The following PTCH1 variants were observed in gnomAD, a reference collection of about 807,000 sequenced individuals.
PTCH1 encodes the protein patched 1, also known as protein patched homolog 1.
PTCH1 carries 14 observed loss-of-function variants against 144.6 expected under a neutral mutation model. The observed-to-expected ratio is 0.10, with a 90% confidence interval of 0.06 to 0.15. PTCH1 has a LOEUF of 0.15. Ranked by LOEUF, PTCH1 falls within the 10% of genes least tolerant of loss-of-function variation. The pLI is 1.00. For synonymous variants in PTCH1, 833 were observed against 793.6 expected (o/e 1.05, Z -0.83); for missense variants, 1,623 against 1,948.3 (o/e 0.83, Z 3.14).
chr9:95,516,951 A>G, exon 1 of PTCH1: 1 of 728,614 alleles, frequency 1.4e-6, no homozygotes, highest in East Asian at 3.0e-5. Context: ...TGCTATCAGC[A>G]CAGCCCTCCT....
At chr9:95,485,906 GCAAAATC>G (rs1564063506) in intron 2 of PTCH1, 32 bp from the exon 3 acceptor site, 1 of 1,610,640 alleles carries the variant, frequency 6.2e-7, no homozygotes, top group Admixed American at 1.7e-5. Context: ...AATTAGAATA[GCAAAATC>G]ACTGCAAACT....
At chr9:95,507,196 AAT>A in intron 1 of PTCH1, 4 of 985,552 alleles carry the variant, frequency 4.1e-6, no homozygotes, top group Non-Finnish European at 4.8e-6. Flanking sequence ...GTGTGAGCTG[AAT>A]TAGGAAGTGG....
rs1843915752 is a variant in PTCH1, at chr9:95,508,350, A to G, written c.12T>C (p.Ala4=). The G allele has an allele frequency of 8.3e-7, 1 of 1,209,468 alleles. No homozygotes were observed. The allele number at this position is 1,209,468 out of a possible 1,614,324, so 74.9% of individuals were successfully genotyped here. A position where few individuals can be genotyped will look rare whatever the true frequency, so the allele number is the denominator to read the frequency against. ...GGTCCTGGGGCTCGGCGGCGTTACC[A>G]GCCGAGGCCATGTTGCCGCCGCCGC... is the stretch of plus-strand genomic sequence containing the variant. MAS[A]GNAAEPQDRG... Residue 4 remains alanine (A), a synonymous_variant, in exon 1 of 24, where the codon GCT becomes GCC. Coordinates refer to ENST00000331920, the MANE Select transcript of PTCH1 (RefSeq NM_000264.5).
At chr9:95,461,798 A>C in intron 16 of PTCH1, 58 bp downstream of exon 16, 1 of 1,609,110 alleles carries the variant, frequency 6.2e-7, no homozygotes, top group South Asian at 1.1e-5. Flanking sequence ...AGCAGCCTCC[A>C]CCAGGGCAGC....
intron 12 of PTCH1, among the ~76,000 whole-genome samples, chr9:95,475,524 C>T (rs1840952813): frequency 6.6e-6 from 1 of 152,206 alleles, no homozygotes; most frequent in Non-Finnish European, 1.5e-5. Context: ...AGAGCCTCGC[C>T]AGTTCGCGGT....
rs180933106 is a variant in PTCH1 at position 95,490,587 on chromosome 9, T to C, written c.395-4713A>G. Among the ~76,000 whole-genome samples the C allele has an allele frequency of 3.2e-4, 48 of 150,488 alleles. 1 individual carries two copies. Among genetic ancestry groups the C allele is most frequent in the Admixed American group, 2.8e-3 (43 of 15,182 alleles). ...AAAGATAGATATGAGAGCTACTTGG[T>C]AGAGATATGAATTAAAAACAAACTC... On this transcript the variant is annotated intron_variant, in intron 2 of 23. Coordinates refer to ENST00000331920, the MANE Select transcript of PTCH1 (RefSeq NM_000264.5).
In PTCH1 at chr9:95,477,929, GCT is replaced by G. The variant is rs111970900; in HGVS notation, c.1347+124_1347+125del. ...CACTTTTAAACCACTGTGAAGCCAC[GCT>G]CTCTCTGTCCTGGATGCACATCGAT... On this transcript the variant is annotated intron_variant, in intron 9 of 23. Coordinates refer to ENST00000331920, the MANE Select transcript of PTCH1 (RefSeq NM_000264.5). The G allele has an allele frequency of 9.7e-5, 149 of 1,542,122 alleles. 3 individuals carry two copies. In the African/African-American group the frequency reaches 1.4e-3, roughly 15 times the overall value.
chr9:95,475,332 G>A (rs1018109720), intron 12 of PTCH1, among the ~76,000 whole-genome samples: 8 of 152,106 alleles, frequency 5.3e-5, no homozygotes, highest in Non-Finnish European at 7.3e-5. Flanking sequence ...AAGTCACGAG[G>A]GGCCCACGTG....
intron 20 of PTCH1, chr9:95,450,584 C>T (rs945883884): frequency 1.9e-5 from 3 of 154,834 alleles, no homozygotes; most frequent in Non-Finnish European, 2.9e-5. Flanking sequence ...CTTTTTAGAA[C>T]ACAGGAACCA....
At chr9:95,466,993 A>T in intron 15 of PTCH1, 123 bp downstream of exon 15, 1 of 1,114,586 alleles carries the variant, frequency 9.0e-7, no homozygotes, top group Non-Finnish European at 1.3e-6. Flanking sequence ...GCAACTCTTA[A>T]AAGTCCATGA....
intron 16 of PTCH1, among the ~76,000 whole-genome samples, chr9:95,461,527 C>G (rs1242093109): frequency 6.6e-6 from 1 of 152,180 alleles, no homozygotes; most frequent in Non-Finnish European, 1.5e-5. Flanking sequence ...AGTCCTAGAA[C>G]TGAAAGAATC....
intron 2 of PTCH1, chr9:95,495,500 G>A (rs981808107): frequency 3.3e-5 from 5 of 151,804 alleles, no homozygotes; most frequent in African/African-American, 1.2e-4. Context: ...GTATAGGTAG[G>A]CGAGTAAGTA....
At chr9:95,462,460 T>C (rs1260712377) in intron 15 of PTCH1, among the ~76,000 whole-genome samples, 1 of 152,088 alleles carries the variant, frequency 6.6e-6, no homozygotes, top group Admixed American at 6.5e-5. Context: ...CTCAGCTGCT[T>C]CTGGAGCCCA....
At chr9:95,477,990 G>GAA in intron 9 of PTCH1, 65 bp downstream of exon 9, 1 of 1,610,574 alleles carries the variant, frequency 6.2e-7, no homozygotes, top group Non-Finnish European at 8.5e-7. Context: ...AGCAGTCATG[G>GAA]AAAAGTAAAG....
intron 2 of PTCH1, 41 bp downstream of exon 2, chr9:95,506,366 G>C (rs1015793107): frequency 6.3e-7 from 1 of 1,596,920 alleles, no homozygotes; most frequent in African/African-American, 1.3e-5. Flanking sequence ...CGCGAGGAGG[G>C]ACCGGGCCGG....
At chr9:95,462,646 G>GCTTC (rs1392098562) in intron 15 of PTCH1, among the ~76,000 whole-genome samples, 8 of 152,220 alleles carry the variant, frequency 5.3e-5, no homozygotes, top group African/African-American at 1.9e-4. Flanking sequence ...GGAGAAGGAA[G>GCTTC]GGAAGGCGCT....
intron 2 of PTCH1, chr9:95,494,363 C>T (rs1842653583): frequency 1.0e-6 from 1 of 985,586 alleles, no homozygotes; most frequent in Non-Finnish European, 1.2e-6. Context: ...GCCACGAGTT[C>T]CCGAGACGAC....
At position 95,508,240 on chromosome 9, in the gene PTCH1, C is replaced by T. The variant is rs1554709493; in HGVS notation, c.122G>A (p.Arg41His). ...GRRRRTGGLR[R>H]AAAPDRDYLH... is the part of the protein sequence containing the mutation. ...ATAGTCCCGGTCCGGCGCGGCAGCACGGCGCAGCCCCCCCGTCCGTCTGCG... is the reference window on the plus strand; with the variant it reads ...ATAGTCCCGGTCCGGCGCGGCAGCATGGCGCAGCCCCCCCGTCCGTCTGCG... Residue 41 changes from arginine (R) to histidine (H), a missense_variant, in exon 1 of 24, where the codon CGT (arginine) becomes CAT (histidine). Physicochemically the swap from Arg to His is conservative, Grantham distance 29 (BLOSUM62 0). This residue lies in a region of PTCH1 where 245 missense variants were observed against 240.6 expected (regional missense o/e 1.02). Transcript: ENST00000331920. The T allele has an allele frequency of 6.2e-7, 1 of 1,607,712 alleles. No individual in the cohort carries two copies. Among genetic ancestry groups the T allele is most frequent in the Non-Finnish European group, 8.5e-7 (1 of 1,178,608 alleles).
intron 7 of PTCH1, 56 bp from the exon 8 acceptor site, chr9:95,479,203 A>C: frequency 2.5e-6 from 4 of 1,611,506 alleles, no homozygotes; most frequent in Non-Finnish European, 3.4e-6. Flanking sequence ...AGCAGTTTCC[A>C]CTGCCTCAAA....
Sources: gnomAD v4.1 joint callset for allele counts (sites outside exome capture counted in the v4.1 genomes callset) on GRCh38, gnomAD v4.1.1 for gene constraint, gnomAD v4.1.1 regional missense constraint, MANE v1.5 for transcripts, NCBI Gene and HGNC (gene_info 2026-07-23, HGNC 2026-07-21) for gene names.